Variants in ELP1 observed in about 807,000 individuals in gnomAD.
ELP1 encodes the protein elongator complex protein 1.
In ELP1, 131 loss-of-function variants were observed where a neutral mutation model predicts 183.2. The ratio of observed to expected loss-of-function variants is 0.72; its 90% confidence interval spans 0.62 to 0.83. The LOEUF (loss-of-function observed/expected upper bound fraction) is 0.83. ELP1 is among the 40% of genes least tolerant of loss of function. The probability of loss-of-function intolerance (pLI) is 0.00; values close to 1 mark genes in which losing one functional copy is unlikely to be tolerated. For synonymous variants in ELP1, 555 were observed against 569.0 expected, an observed-to-expected ratio of 0.98 and a Z score of 0.35; for missense variants, 1,550 against 1,594.9, an observed-to-expected ratio of 0.97 and a Z score of 0.48.
At chr9:108,891,487 A>G (rs1309693349) in intron 27 of ELP1, 83 bp from the exon 28 acceptor site, 1 of 1,269,546 alleles carries the variant, frequency 7.9e-7, no homozygotes, top group African/African-American at 1.5e-5. Flanking sequence ...CTTAGTTCCT[A>G]TACTTGGAAC....
At chr9:108,921,174 A>C (rs1237818658) in intron 6 of ELP1, among the ~76,000 whole-genome samples, 1 of 152,152 alleles carries the variant, frequency 6.6e-6, no homozygotes, top group Non-Finnish European at 1.5e-5. Context: ...TATATTTACA[A>C]AGTTGAATAG....
intron 11 of ELP1, among the ~76,000 whole-genome samples, chr9:108,911,865 T>C (rs1362535111): frequency 6.6e-6 from 1 of 152,140 alleles, no homozygotes; most frequent in African/African-American, 2.4e-5. Context: ...TCAGCAAGCA[T>C]TTGTATCAGG....
At chr9:108,909,565 T>C (rs894308142) in intron 12 of ELP1, among the ~76,000 whole-genome samples, 5 of 152,202 alleles carry the variant, frequency 3.3e-5, no homozygotes, top group Admixed American at 6.5e-5. Context: ...TTCTCTTATA[T>C]CCAAACTCTC....
At chr9:108,879,379 C>A in intron 33 of ELP1, 67 bp downstream of exon 33, 1 of 1,193,888 alleles carries the variant, frequency 8.4e-7, no homozygotes, top group Non-Finnish European at 1.3e-6. Flanking sequence ...GAAAACCAAT[C>A]TATTTGCTTC....
At chr9:108,917,220 C>A (rs1418498050) in intron 9 of ELP1, among the ~76,000 whole-genome samples, 1 of 152,210 alleles carries the variant, frequency 6.6e-6, no homozygotes, top group Non-Finnish European at 1.5e-5. Flanking sequence ...GTAATCCCAG[C>A]ACTTTGGGAG....
chr9:108,901,590 C>T lies in ELP1; in HGVS notation c.1908+38G>A, dbSNP rs755899875. The T allele has an allele frequency of 5.6e-6, 9 of 1,612,686 alleles. No individual in the cohort carries two copies. In the South Asian group the frequency reaches 8.8e-5, roughly 16 times the overall value. ...CTAGCTAGATTACTCGGAGCTAACA[C>T]TGTGAAAAGGATCCAACACCAAACC... is the stretch of plus-strand genomic sequence containing the variant. On this transcript the variant is annotated intron_variant, in intron 17 of 36. Coordinates refer to ENST00000374647, the MANE Select transcript of ELP1 (RefSeq NM_003640.5).
intron 10 of ELP1, among the ~76,000 whole-genome samples, chr9:108,912,824 GGCTCACTGCAAGCTCC>G (rs1554699580): frequency 2.0e-5 from 3 of 146,596 alleles, no homozygotes; most frequent in Non-Finnish European, 4.5e-5. Context: ...GCGCAATCTC[GGCTCACTGCAAGCTCC>G]ATCTCCCGGG....
In ELP1 at chr9:108,889,366, A is replaced by T; in HGVS notation, c.3188T>A (p.Ile1063Asn). ...CTCTTCCAAAACCATGGCCGCATCA[A>T]TGTGCTTCCTCTGCTCAACCAGCTT... ...AGKLVEQRKHIDAAMVLEECA... is the reference protein window; with the variant it reads ...AGKLVEQRKHNDAAMVLEECA... The change falls in exon 29 of 37, where the codon ATT becomes AAT. Residue 1063 changes from isoleucine (I) to asparagine (N), a missense_variant. By Grantham distance (149) the Ile-to-Asn change is moderately radical. Transcript: ENST00000374647. 1.9e-6 allele frequency: 3 copies of T among 1,614,182 alleles called. No individual in the cohort carries two copies. The highest frequency in any genetic ancestry group is 2.2e-5 in the East Asian group (1 of 44,880).
intron 29 of ELP1, among the ~76,000 whole-genome samples, chr9:108,887,035 C>G (rs1161316077): frequency 1.3e-5 from 2 of 152,092 alleles, no homozygotes; most frequent in East Asian, 1.9e-4. Context: ...ATGGCAAAAC[C>G]CCATCCCTAC....
intron 12 of ELP1, among the ~76,000 whole-genome samples, chr9:108,910,655 G>A (rs1490527196): frequency 6.6e-6 from 1 of 152,056 alleles, no homozygotes; most frequent in Non-Finnish European, 1.5e-5. Flanking sequence ...CTCTGACACA[G>A]CTCCTAGGAG....
chr9:108,894,142 G>A, intron 25 of ELP1, 76 bp from the exon 26 acceptor site: 1 of 837,382 alleles, frequency 1.2e-6, no homozygotes, highest in East Asian at 2.7e-5. Flanking sequence ...TTTACATATA[G>A]CAATAAACCC....
chr9:108,897,606 A>C (rs1249755790), intron 22 of ELP1, among the ~76,000 whole-genome samples: 4 of 152,262 alleles, frequency 2.6e-5, no homozygotes, highest in African/African-American at 9.6e-5. Context: ...GATACATATA[A>C]AAACACAGAT....
At chr9:108,869,891 T>C (rs187959852) in intron 36 of ELP1, among the ~76,000 whole-genome samples, 216 of 152,370 alleles carry the variant, frequency 1.4e-3, no homozygotes, top group Non-Finnish European at 2.7e-3. Flanking sequence ...ATATGAGCCA[T>C]GCAGGCATGA....
At chr9:108,920,252 ATCC>A (rs1406291777) in intron 6 of ELP1, among the ~76,000 whole-genome samples, 4 of 150,912 alleles carry the variant, frequency 2.7e-5, no homozygotes, top group Non-Finnish European at 5.9e-5. Flanking sequence ...AACCCTTGGT[ATCC>A]TCCTCAATTC....
intron 31 of ELP1, among the ~76,000 whole-genome samples, chr9:108,881,144 C>T (rs1036506704): frequency 1.3e-5 from 2 of 152,126 alleles, no homozygotes; most frequent in African/African-American, 2.4e-5. Context: ...TACTTTGAAA[C>T]GTTGAAACCT....
intron 15 of ELP1, 103 bp downstream of exon 15, chr9:108,903,460 G>T: frequency 1.2e-6 from 1 of 845,478 alleles, no homozygotes. Flanking sequence ...GTAGTTAAAA[G>T]ACCTGACAAT....
chr9:108,898,456 G>A, intron 22 of ELP1, 46 bp downstream of exon 22: 1 of 1,212,520 alleles, frequency 8.2e-7, no homozygotes, highest in Non-Finnish European at 1.2e-6. Context: ...AACAAGAAGA[G>A]AGAAAACTAT....
chr9:108,886,952 T>C (rs1475533422), intron 29 of ELP1, among the ~76,000 whole-genome samples: 1 of 145,302 alleles, frequency 6.9e-6, no homozygotes, highest in Non-Finnish European at 1.5e-5. Context: ...CTCATGCCTG[T>C]AATCCCAGCA....
At chr9:108,923,817 T>C (rs1380629250) in intron 5 of ELP1, among the ~76,000 whole-genome samples, 1 of 152,230 alleles carries the variant, frequency 6.6e-6, no homozygotes, top group East Asian at 1.9e-4. Flanking sequence ...AACACAACCC[T>C]TCTGTTCCTG....
Sources: allele counts gnomAD v4.1 joint callset (sites outside exome capture counted in the v4.1 genomes callset), GRCh38; gene constraint gnomAD v4.1.1; transcripts MANE v1.5; gene names NCBI Gene and HGNC (gene_info 2026-07-23, HGNC 2026-07-21).